GABBR2: variants seen among roughly 807,000 people sequenced by gnomAD.
GABBR2 encodes G-protein coupled receptor 51.
In GABBR2, 23 loss-of-function variants were observed where a neutral mutation model predicts 105.6. The ratio of observed to expected loss-of-function variants is 0.22; its 90% CI spans 0.16 to 0.31. The LOEUF is 0.31. GABBR2 is among the 10% of genes least tolerant of loss of function. The pLI is 1.00. For missense variants in GABBR2, 734 were observed against 1,245.5 expected (o/e 0.59, Z 6.18); for synonymous variants, 478 against 499.7 (o/e 0.96, Z 0.58).
intron 4 of GABBR2, among the ~76,000 whole-genome samples, chr9:98,491,143 A>C (rs1246571463): frequency 1.3e-5 from 2 of 152,192 alleles, no homozygotes; most frequent in Non-Finnish European, 2.9e-5. Context: ...AAGCAATAAT[A>C]GTCCGTGAGC....
chr9:98,429,139 T>C (rs1825754693), intron 7 of GABBR2, among the ~76,000 whole-genome samples: 1 of 151,864 alleles, frequency 6.6e-6, no homozygotes, highest in Non-Finnish European at 1.5e-5. Context: ...TGTGTGTGTG[T>C]GTGTGTGTGT....
intron 7 of GABBR2, among the ~76,000 whole-genome samples, chr9:98,411,762 G>T (rs1224160691): frequency 6.6e-6 from 1 of 151,966 alleles, no homozygotes; most frequent in Non-Finnish European, 1.5e-5. Context: ...TTGAGATAGG[G>T]GTCTCAGTAT....
At chr9:98,631,074 A>G (rs1829810946) in intron 1 of GABBR2, among the ~76,000 whole-genome samples, 1 of 152,180 alleles carries the variant, frequency 6.6e-6, no homozygotes, top group African/African-American at 2.4e-5. Flanking sequence ...ACGAAATGCT[A>G]TCTTAATATA....
At chr9:98,367,869 C>A (rs1831709533) in intron 12 of GABBR2, among the ~76,000 whole-genome samples, 1 of 152,158 alleles carries the variant, frequency 6.6e-6, no homozygotes, top group African/African-American at 2.4e-5. Context: ...CAAAAATGGG[C>A]TCTTCTTCAC....
chr9:98,420,343 C>G (rs563922038), intron 7 of GABBR2, among the ~76,000 whole-genome samples: 1 of 152,308 alleles, frequency 6.6e-6, no homozygotes, highest in Non-Finnish European at 1.5e-5. Context: ...CAGCCGGCCT[C>G]GACTGACTCT....
At chr9:98,354,034 AT>A (rs1831446328) in intron 13 of GABBR2, among the ~76,000 whole-genome samples, 1 of 152,172 alleles carries the variant, frequency 6.6e-6, no homozygotes, top group Non-Finnish European at 1.5e-5. Flanking sequence ...TCTTTTATAA[AT>A]TACCCAGTCT....
chr9:98,304,778 T>A (rs1275793391), intron 15 of GABBR2, among the ~76,000 whole-genome samples: 1 of 140,298 alleles, frequency 7.1e-6, no homozygotes, highest in Non-Finnish European at 1.6e-5. Flanking sequence ...CTTTCCTTTT[T>A]TGGAGGGGCG....
intron 13 of GABBR2, among the ~76,000 whole-genome samples, chr9:98,319,436 T>C (rs914778080): frequency 2.0e-5 from 3 of 147,432 alleles, no homozygotes; most frequent in Non-Finnish European, 1.5e-5. Context: ...AATGTTATGA[T>C]TACAAGTTTG....
intron 4 of GABBR2, among the ~76,000 whole-genome samples, chr9:98,485,502 G>A (rs2779549): frequency 0.52 from 79,394 of 151,518 alleles, 21,311 homozygotes; most frequent in East Asian, 0.9. Flanking sequence ...ATACACACAC[G>A]CAGGCACACA....
At chr9:98,632,320 GTAGAGA>G (rs1415649879) in intron 1 of GABBR2, among the ~76,000 whole-genome samples, 2 of 152,234 alleles carry the variant, frequency 1.3e-5, no homozygotes, top group Admixed American at 1.3e-4. Context: ...TTGTGAAGAA[GTAGAGA>G]TAATGTATGT....
rs532153329 is a variant in GABBR2, at chr9:98,550,204, C to T, written c.460-8161G>A. The stretch of plus-strand genomic sequence containing the variant: ...CTCACAACAACCCTGTGGCAGGTGC[C>T]GTTAGTAATCGTATGGATAAGAAAA... On this transcript the variant is annotated intron_variant, in intron 2 of 18. Transcript: ENST00000259455. 1.8e-4 allele frequency among the ~76,000 whole-genome samples: 27 copies of T among 152,228 alleles called. No individual in the cohort carries two copies. In the South Asian group the frequency reaches 5.6e-3, roughly 32 times the overall value.
intron 13 of GABBR2, among the ~76,000 whole-genome samples, chr9:98,333,885 T>A (rs1307214123): frequency 1.3e-5 from 2 of 152,230 alleles, no homozygotes; most frequent in Non-Finnish European, 2.9e-5. Flanking sequence ...ATGGGCATGT[T>A]ATTTAACCCC....
chr9:98,616,762 AAAG>A (rs1829592370), intron 1 of GABBR2, among the ~76,000 whole-genome samples: 2 of 151,732 alleles, frequency 1.3e-5, no homozygotes, highest in African/African-American at 2.4e-5. Flanking sequence ...AAAAAAAAAA[AAAG>A]AAAGAAAAGT....
At chr9:98,636,498 T>C (rs1033773562) in intron 1 of GABBR2, among the ~76,000 whole-genome samples, 6 of 136,150 alleles carry the variant, frequency 4.4e-5, no homozygotes, top group African/African-American at 1.7e-4. Context: ...TTTTTTTTTT[T>C]TTTTTTTTTT....
chr9:98,461,844 C>T (rs1004604374), intron 6 of GABBR2, among the ~76,000 whole-genome samples: 1 of 152,162 alleles, frequency 6.6e-6, no homozygotes, highest in Non-Finnish European at 1.5e-5. Flanking sequence ...AGGTGTGGCA[C>T]ATGGCAAGAA....
intron 8 of GABBR2, among the ~76,000 whole-genome samples, chr9:98,405,812 ATTT>A (rs1053120124): frequency 6.6e-6 from 1 of 152,156 alleles, no homozygotes; most frequent in Non-Finnish European, 1.5e-5. Context: ...GGAATCATCC[ATTT>A]TTTTCCTGAA....
rs1828429723 is a variant in GABBR2 at position 98,548,285 on chromosome 9, C to T, written c.460-6242G>A. On this transcript the variant is annotated intron_variant, in intron 2 of 18. Transcript: ENST00000259455. ...TAATTGCATATACTTCTCAGAAGGC[C>T]GGAGAATAAGTATTTAAGCACAGTT... is the stretch of plus-strand genomic sequence containing the variant. Among the ~76,000 whole-genome samples the T allele has an allele frequency of 3.3e-5, 4 of 120,660 alleles. 1 individual carries two copies. The highest frequency in any genetic ancestry group is 9.2e-5 in the Admixed American group (1 of 10,842). 79.2% of individuals were successfully genotyped at this position (120,660 alleles called of 152,430 possible).
rs150593043 is a variant in GABBR2 at position 98,554,494 on chromosome 9, G to A, written c.460-12451C>T. Among the ~76,000 whole-genome samples, 6 of 152,188 alleles carry A rather than the reference G, an allele frequency of 3.9e-5. No individual in the cohort carries two copies. The East Asian group carries it at 7.7e-4, about 20-fold the overall frequency. ...AATGAAAACATATGAAACAAAAATCGTACGTATATTTAAAAACATTCTTCA... is the reference window on the plus strand; with the variant it reads ...AATGAAAACATATGAAACAAAAATCATACGTATATTTAAAAACATTCTTCA... On this transcript the variant is annotated intron_variant, in intron 2 of 18. Coordinates refer to ENST00000259455, the MANE Select transcript of GABBR2 (RefSeq NM_005458.8).
intron 4 of GABBR2, among the ~76,000 whole-genome samples, chr9:98,481,648 CCA>C (rs1344875621): frequency 6.6e-6 from 1 of 152,176 alleles, no homozygotes; most frequent in Non-Finnish European, 1.5e-5. Context: ...CATCTCAGCC[CCA>C]GTTTCCTCAT....
Sources: gnomAD v4.1 joint callset for allele counts (sites outside exome capture counted in the v4.1 genomes callset) on GRCh38, gnomAD v4.1.1 for gene constraint, MANE v1.5 for transcripts, NCBI Gene and HGNC (gene_info 2026-07-23, HGNC 2026-07-21) for gene names.